TTPA: variants seen among roughly 807,000 people sequenced by gnomAD.
TTPA encodes alpha tocopherol transfer protein, also known as alpha-tocopherol transfer protein.
In TTPA, 23 loss-of-function variants were observed where a neutral mutation model predicts 25.9. The ratio of observed to expected loss-of-function variants is 0.89; its 90% CI spans 0.64 to 1.26. The LOEUF (loss-of-function observed/expected upper bound fraction) is 1.26. TTPA is among the 50% of genes most tolerant of loss of function. The probability of loss-of-function intolerance (pLI) is 0.00; values close to 1 mark genes in which losing one functional copy is unlikely to be tolerated. For synonymous variants in TTPA, 148 were observed against 137.3 expected (o/e 1.08, Z -0.54); for missense variants, 337 against 353.1 (o/e 0.95, Z 0.37).
intron 4 of TTPA, among the ~76,000 whole-genome samples, chr8:63,062,177 C>T (rs1805317273): frequency 1.4e-5 from 2 of 144,218 alleles, no homozygotes; most frequent in South Asian, 4.3e-4. Flanking sequence ...GAGGCCCTGT[C>T]TAAAAAAAAA....
intron 1 of TTPA, among the ~76,000 whole-genome samples, chr8:63,078,867 C>T (rs1393874374): frequency 6.6e-6 from 1 of 152,056 alleles, no homozygotes; most frequent in African/African-American, 2.4e-5. Context: ...AGAAGAGCAA[C>T]CCCAAGACAC....
Position 63,085,792 on chromosome 8 carries a change from C to G in TTPA, c.204+26G>C, listed in dbSNP as rs772954067. The G allele has an allele frequency of 5.2e-6, 8 of 1,531,386 alleles. 1 individual carries two copies. The South Asian group carries it at 8.4e-5, about 16-fold the overall frequency. The allele number at this position is 1,531,386 out of a possible 1,614,324, so 94.9% of individuals were successfully genotyped here. A position where few individuals can be genotyped will look rare whatever the true frequency, so the allele number is the denominator to read the frequency against. ...ACGGGGCGGGTGAGGTGCGCACTGC[C>G]GAGCGCCCTGGGCACGCACGCTTAC... On this transcript the variant is annotated intron_variant, in intron 1 of 4. Coordinates refer to ENST00000260116, the MANE Select transcript of TTPA (RefSeq NM_000370.3).
At chr8:63,073,534 A>C (rs1390397408) in intron 1 of TTPA, among the ~76,000 whole-genome samples, 1 of 152,214 alleles carries the variant, frequency 6.6e-6, no homozygotes, top group Non-Finnish European at 1.5e-5. Flanking sequence ...GGATCCAGAC[A>C]CTATGTGAGA....
chr8:63,081,980 C>G (rs774916322), intron 1 of TTPA, among the ~76,000 whole-genome samples: 4 of 152,114 alleles, frequency 2.6e-5, no homozygotes, highest in South Asian at 2.1e-4. Flanking sequence ...CACTGCTCAA[C>G]AAAATAAAAG....
chr8:63,074,383 C>G (rs1424048263), intron 1 of TTPA, among the ~76,000 whole-genome samples: 1 of 152,202 alleles, frequency 6.6e-6, no homozygotes, highest in Admixed American at 6.5e-5. Flanking sequence ...ATTTATCTCC[C>G]TCTCTTTCTC....
At chr8:63,081,661 G>T (rs1426309664) in intron 1 of TTPA, among the ~76,000 whole-genome samples, 1 of 152,128 alleles carries the variant, frequency 6.6e-6, no homozygotes, top group Non-Finnish European at 1.5e-5. Flanking sequence ...GCAAGAGAAA[G>T]AAATAAAGGG....
At chr8:63,064,156 G>C in intron 4 of TTPA, 50 bp downstream of exon 4, 1 of 1,320,030 alleles carries the variant, frequency 7.6e-7, no homozygotes, top group South Asian at 1.2e-5. Context: ...ATTAAAAAGG[G>C]TTGGAATGTT....
chr8:63,059,525 A>G lies in TTPA; in HGVS notation c.*1727T>C, dbSNP rs1051251506. 6.6e-6 allele frequency among the ~76,000 whole-genome samples: 1 copy of G among 152,164 alleles called. No individual in the cohort carries two copies. Among genetic ancestry groups the G allele is most frequent in the Non-Finnish European group, 1.5e-5 (1 of 68,028 alleles). On this transcript the variant is annotated 3_prime_UTR_variant, in exon 5 of 5. Transcript: ENST00000260116. ...AAAAACACCCTTCACATATCCTTAC[A>G]TAAAGATACTATTAATGTATATGAT...
chr8:63,080,980 C>A (rs376951510), intron 1 of TTPA, among the ~76,000 whole-genome samples: 2 of 150,992 alleles, frequency 1.3e-5, no homozygotes, highest in East Asian at 1.9e-4. Flanking sequence ...CAATAACAGG[C>A]TCTGAAATTG....
In TTPA at chr8:63,070,196, A is replaced by G. The variant is rs1005275307; in HGVS notation, c.358+2739T>C. Among the ~76,000 whole-genome samples, 5 of 151,570 alleles carry G rather than the reference A, an allele frequency of 3.3e-5. No individual in the cohort carries two copies. The South Asian group carries it at 8.3e-4, about 25-fold the overall frequency. On this transcript the variant is annotated intron_variant, in intron 2 of 4. Coordinates refer to ENST00000260116, the MANE Select transcript of TTPA (RefSeq NM_000370.3). ...AAGCCACAGTCAAAACTTCACACTC[A>G]CTGTTAAATTTTACTTTTGCTGCTA...
chr8:63,063,318 A>G (rs1390387098), intron 4 of TTPA, among the ~76,000 whole-genome samples: 3 of 152,114 alleles, frequency 2.0e-5, no homozygotes, highest in Non-Finnish European at 4.4e-5. Flanking sequence ...CCTTTCAAAA[A>G]GTCTAAGATA....
chr8:63,084,505 C>G (rs1016076768), intron 1 of TTPA, among the ~76,000 whole-genome samples: 1 of 152,164 alleles, frequency 6.6e-6, no homozygotes, highest in African/African-American at 2.4e-5. Flanking sequence ...ATATATCCAT[C>G]CAGTAGAATA....
intron 1 of TTPA, among the ~76,000 whole-genome samples, chr8:63,075,526 T>C (rs550568326): frequency 6.6e-4 from 100 of 152,042 alleles, no homozygotes; most frequent in Non-Finnish European, 1.2e-3. Context: ...AAGACCATCC[T>C]GGCCAATATG....
chr8:63,061,128 T>C lies in TTPA; in HGVS notation c.*124A>G. The C allele has an allele frequency of 9.6e-7, 1 of 1,042,978 alleles. No individual in the cohort carries two copies. Among genetic ancestry groups the C allele is most frequent in the Non-Finnish European group, 1.4e-6 (1 of 699,704 alleles). 64.6% of individuals were successfully genotyped at this position (1,042,978 alleles called of 1,614,324 possible). A position where few individuals can be genotyped will look rare whatever the true frequency, so the allele number is the denominator to read the frequency against. ...TGTGTTGCTCATGTCAGAAGATTTC[T>C]ACATTTTTAAAGTTCAGGCAAGCAT... On this transcript the variant is annotated 3_prime_UTR_variant, in exon 5 of 5. Transcript: ENST00000260116.
Position 63,061,289 on chromosome 8 carries a change from T to G in TTPA, c.800A>C (p.Glu267Ala). The change falls in exon 5 of 5, where the codon GAA (glutamate) becomes GCA (alanine). Residue 267 changes from glutamate (E) to alanine (A), a missense_variant. Physicochemically the swap from Glu to Ala is moderately radical, Grantham distance 107 (BLOSUM62 -1). Coordinates refer to ENST00000260116, the MANE Select transcript of TTPA (RefSeq NM_000370.3). ...QEWTNFIMKS[E>A]DYLSSISESI... ...CTCAGAAATGCTGCTGAGATAATCT[T>G]CAGACTTCATTATAAAATTTGTCCA... 3.1e-6 allele frequency: 5 copies of G among 1,613,872 alleles called. No individual in the cohort carries two copies. The highest frequency in any genetic ancestry group is 4.2e-6 in the Non-Finnish European group (5 of 1,179,928).
rs571024062 is a variant in TTPA at position 63,069,290 on chromosome 8, T to C, written c.359-3193A>G. ...AGACATTGGCTGAATGCTATAATGA[T>C]TAAAAAAAAAAAAAAGAACATATGA... On this transcript the variant is annotated intron_variant, in intron 2 of 4. Transcript: ENST00000260116. 3.6e-5 allele frequency among the ~76,000 whole-genome samples: 5 copies of C among 138,934 alleles called. No homozygotes were observed. The East Asian group carries it at 8.0e-4, about 22-fold the overall frequency. 91.1% of individuals were successfully genotyped at this position (138,934 alleles called of 152,430 possible). A position where few individuals can be genotyped will look rare whatever the true frequency, so the allele number is the denominator to read the frequency against.
chr8:63,077,505 C>A lies in TTPA; in HGVS notation c.205-4417G>T, dbSNP rs145608060. Among the ~76,000 whole-genome samples the A allele has an allele frequency of 8.9e-4, 135 of 152,362 alleles. 1 individual carries two copies. The Middle Eastern group carries it at 0.024, about 27-fold the overall frequency. ...TTAGCAACTGGCACACAAGGAGATT[C>A]TCTCCTGTGCATGGCTTGGCGGGTC... On this transcript the variant is annotated intron_variant, in intron 1 of 4. Coordinates refer to ENST00000260116, the MANE Select transcript of TTPA (RefSeq NM_000370.3).
At chr8:63,075,147 T>A (rs927055803) in intron 1 of TTPA, among the ~76,000 whole-genome samples, 8 of 152,210 alleles carry the variant, frequency 5.3e-5, no homozygotes, top group Non-Finnish European at 1.5e-5. Context: ...CAAACCACCC[T>A]ATGTCCACAA....
rs777822041 is a variant in TTPA at position 63,066,143 on chromosome 8, C to A, written c.359-46G>T. ...CATATCTTAGCATTGTGTAAAAAAT[C>A]AGAAAGATTTCCAAAGGGAGACTAA... On this transcript the variant is annotated intron_variant, in intron 2 of 4. Transcript: ENST00000260116. 1.9e-6 allele frequency: 3 copies of A among 1,562,254 alleles called. No individual in the cohort carries two copies. In the South Asian group the frequency reaches 3.4e-5, roughly 18 times the overall value.
Sources: gnomAD v4.1 joint callset for allele counts (sites outside exome capture counted in the v4.1 genomes callset) on GRCh38, gnomAD v4.1.1 for gene constraint, MANE v1.5 for transcripts, NCBI Gene and HGNC (gene_info 2026-07-23, HGNC 2026-07-21) for gene names.